Variants in SLCO1A2 observed in about 807,000 individuals in gnomAD.
SLCO1A2 encodes OATP-1.
A neutral mutation model predicts 69.0 loss-of-function variants in SLCO1A2; 67 were observed. The ratio of observed to expected loss-of-function variants is 0.97; its 90% confidence interval spans 0.80 to 1.19. The LOEUF (loss-of-function observed/expected upper bound fraction) is 1.19. SLCO1A2 is among the 50% of genes most tolerant of loss of function. SLCO1A2 has a pLI of 0.00. For missense variants in SLCO1A2, 787 were observed against 793.7 expected (o/e 0.99, Z 0.10); for synonymous variants, 260 against 265.9 (o/e 0.98, Z 0.22).
intron 12 of SLCO1A2, among the ~76,000 whole-genome samples, chr12:21,288,011 TAAAAA>T (rs59000175): frequency 1.9e-5 from 2 of 102,958 alleles, no homozygotes. Flanking sequence ...TAAAGTATAA[TAAAAA>T]AAAAAAAAAA....
At chr12:21,273,474 T>A (rs1194960338) in intron 14 of SLCO1A2, among the ~76,000 whole-genome samples, 1 of 152,174 alleles carries the variant, frequency 6.6e-6, no homozygotes, top group African/African-American at 2.4e-5. Flanking sequence ...TGGCTTCTGG[T>A]AGATTTTTCT....
At chr12:21,371,963 T>C (rs1456502721) in intron 2 of SLCO1A2, among the ~76,000 whole-genome samples, 3 of 151,504 alleles carry the variant, frequency 2.0e-5, no homozygotes, top group African/African-American at 7.3e-5. Context: ...GATCGCACCC[T>C]TGTACTCCAG....
intron 10 of SLCO1A2, chr12:21,295,298 G>A (rs1420521915): frequency 4.1e-6 from 1 of 244,366 alleles, no homozygotes; most frequent in African/African-American, 2.3e-5. Context: ...TGAAACTGTA[G>A]GTAGTTTCTT....
intron 12 of SLCO1A2, among the ~76,000 whole-genome samples, chr12:21,289,446 A>T (rs1946486497): frequency 1.3e-5 from 2 of 152,042 alleles, no homozygotes; most frequent in South Asian, 4.2e-4. Context: ...TTATTAGAAG[A>T]TTGGAATTCT....
At chr12:21,371,092 A>G (rs1239376588) in intron 2 of SLCO1A2, among the ~76,000 whole-genome samples, 3 of 152,194 alleles carry the variant, frequency 2.0e-5, no homozygotes, top group African/African-American at 7.2e-5. Context: ...TTTTAACTAC[A>G]TGCAGATTAA....
At chr12:21,309,801 T>C in intron 4 of SLCO1A2, among the ~76,000 whole-genome samples, 1 of 152,002 alleles carries the variant, frequency 6.6e-6, no homozygotes, top group East Asian at 1.9e-4. Context: ...AGGATAATAA[T>C]GAGAGAAAAT....
chr12:21,314,043 G>C (rs1950556802), intron 4 of SLCO1A2, among the ~76,000 whole-genome samples: 1 of 151,178 alleles, frequency 6.6e-6, no homozygotes, highest in African/African-American at 2.4e-5. Flanking sequence ...AGAGCTAAAA[G>C]TTATAAGCAC....
intron 2 of SLCO1A2, among the ~76,000 whole-genome samples, chr12:21,354,733 T>G (rs1938226287): frequency 6.6e-6 from 1 of 152,192 alleles, no homozygotes; most frequent in Non-Finnish European, 1.5e-5. Flanking sequence ...TTATTTATCT[T>G]TATCATGTAA....
upstream of SLCO1A2, among the ~76,000 whole-genome samples, chr12:21,338,005 C>T (rs1025493869): frequency 6.6e-6 from 1 of 152,038 alleles, no homozygotes; most frequent in South Asian, 2.1e-4. Flanking sequence ...AAAATACCTA[C>T]CCTATCACTT....
At chr12:21,303,338 G>A (rs1591817555) in intron 6 of SLCO1A2, among the ~76,000 whole-genome samples, 2 of 152,192 alleles carry the variant, frequency 1.3e-5, no homozygotes, top group Non-Finnish European at 1.5e-5. Context: ...GAGAGTGTTT[G>A]CATTCTTTTA....
At chr12:21,342,573 G>A (rs994101531) in intron 2 of SLCO1A2, among the ~76,000 whole-genome samples, 5 of 151,688 alleles carry the variant, frequency 3.3e-5, no homozygotes, top group African/African-American at 7.2e-5. Flanking sequence ...AACAGGCCAC[G>A]CTTTTTCTCT....
intron 12 of SLCO1A2, among the ~76,000 whole-genome samples, chr12:21,290,030 C>T (rs1033474847): frequency 2.0e-5 from 3 of 151,020 alleles, no homozygotes; most frequent in East Asian, 3.9e-4. Context: ...TGTATGTATG[C>T]GTGTGTGTAT....
intron 4 of SLCO1A2, 120 bp downstream of exon 4, chr12:21,314,429 T>A: frequency 9.7e-7 from 1 of 1,028,366 alleles, no homozygotes; most frequent in Non-Finnish European, 1.4e-6. Context: ...ATGTGCATCT[T>A]CCCCTTCCCA....
At chr12:21,311,307 C>A (rs1285223257) in intron 4 of SLCO1A2, among the ~76,000 whole-genome samples, 3 of 152,048 alleles carry the variant, frequency 2.0e-5, no homozygotes, top group African/African-American at 7.2e-5. Flanking sequence ...TTTCAAAATT[C>A]CTGTTAATGT....
intron 1 of SLCO1A2, among the ~76,000 whole-genome samples, chr12:21,393,028 T>C (rs1246390873): frequency 2.0e-5 from 2 of 98,588 alleles, no homozygotes; most frequent in Non-Finnish European, 4.7e-5. Context: ...TCCTCTCCTA[T>C]TATCAATAAT....
intron 4 of SLCO1A2, among the ~76,000 whole-genome samples, chr12:21,310,868 G>T (rs769199715): frequency 2.0e-5 from 3 of 152,164 alleles, no homozygotes; most frequent in African/African-American, 4.8e-5. Context: ...CTTTCAAAGT[G>T]CTAGGATTAT....
At chr12:21,303,117 C>G (rs1948923747) in intron 6 of SLCO1A2, among the ~76,000 whole-genome samples, 1 of 152,090 alleles carries the variant, frequency 6.6e-6, no homozygotes, top group African/African-American at 2.4e-5. Flanking sequence ...CATGAACACA[C>G]ACTATATATG....
intron 1 of SLCO1A2, among the ~76,000 whole-genome samples, chr12:21,384,471 C>T (rs1454620300): frequency 1.3e-5 from 2 of 152,210 alleles, no homozygotes; most frequent in East Asian, 3.9e-4. Context: ...TGGGAACATT[C>T]CTTATGGTAT....
chr12:21,417,630 AATTT>A (rs886105619), intron 1 of SLCO1A2, among the ~76,000 whole-genome samples: 2 of 151,990 alleles, frequency 1.3e-5, no homozygotes, highest in African/African-American at 2.4e-5. Context: ...ATACATGAAT[AATTT>A]ATTAAAAGTC....
Sources: gnomAD v4.1 joint callset for allele counts (sites outside exome capture counted in the v4.1 genomes callset) on GRCh38, gnomAD v4.1.1 for gene constraint, MANE v1.5 for transcripts, NCBI Gene and HGNC (gene_info 2026-07-23, HGNC 2026-07-21) for gene names.